NIT2: variants seen among roughly 807,000 people sequenced by gnomAD.
NIT2 encodes nitrilase family member 2.
NIT2 carries 46 observed loss-of-function variants against 42.7 expected under a neutral mutation model. The observed-to-expected ratio is 1.08, with a 90% confidence interval of 0.85 to 1.38. The LOEUF (loss-of-function observed/expected upper bound fraction) is 1.38. Among genes scored for constraint, NIT2 ranks in the 40% most tolerant of loss-of-function variants. The pLI is 0.00. For missense variants in NIT2, 309 were observed against 342.5 expected (o/e 0.90, Z 0.77); for synonymous variants, 123 against 121.9 (o/e 1.01, Z -0.06).
At chr3:100,340,395 GA>G (rs908180837) in intron 3 of NIT2, among the ~76,000 whole-genome samples, 1 of 151,842 alleles carries the variant, frequency 6.6e-6, no homozygotes, top group Non-Finnish European at 1.5e-5. Flanking sequence ...AGAGGATTGA[GA>G]AAAAAAATTT....
intron 4 of NIT2, among the ~76,000 whole-genome samples, chr3:100,343,372 G>A (rs1450841337): frequency 6.6e-6 from 1 of 151,864 alleles, no homozygotes; most frequent in East Asian, 1.9e-4. Flanking sequence ...ACCAGGCTCT[G>A]TTTTTCTGTT....
intron 8 of NIT2, among the ~76,000 whole-genome samples, chr3:100,353,932 C>T (rs917360823): frequency 3.3e-5 from 5 of 152,078 alleles, no homozygotes; most frequent in South Asian, 2.1e-4. Context: ...CACACCACCA[C>T]GCCCAGATAA....
intron 5 of NIT2, 110 bp downstream of exon 5, chr3:100,345,788 A>T: frequency 1.4e-6 from 1 of 713,852 alleles, no homozygotes; most frequent in Admixed American, 2.4e-5. Context: ...CTGAAAGACC[A>T]TAAGTGAGAA....
At chr3:100,339,230 T>G in intron 2 of NIT2, 25 bp downstream of exon 2, 1 of 1,408,536 alleles carries the variant, frequency 7.1e-7, no homozygotes, top group Non-Finnish European at 1.0e-6. Flanking sequence ...AGCCATTCTG[T>G]TCTAGCCACT....
In NIT2 at chr3:100,346,181, C is replaced by G; in HGVS notation, c.431C>G (p.Pro144Arg). 6.2e-7 allele frequency: 1 copy of G among 1,613,888 alleles called. No homozygotes were observed. Among genetic ancestry groups the G allele is most frequent in the Non-Finnish European group, 8.5e-7 (1 of 1,179,810 alleles). ...TTGTGCATTTTCTGTTTGGAAACAG[C>G]TTACTGCAGAGTGGGTCTGGGCATC... is the stretch of plus-strand genomic sequence containing the variant. ...PGDSFSTFDT[P>R]YCRVGLGICY... The change falls in exon 6 of 10, where the codon CCT becomes CGT. Residue 144 changes from proline (P) to arginine (R), a missense_variant and splice_region_variant. Physicochemically the swap from Pro to Arg is moderately radical, Grantham distance 103 (BLOSUM62 -2). Coordinates refer to ENST00000394140, the MANE Select transcript of NIT2 (RefSeq NM_020202.5).
Position 100,348,690 on chromosome 3 carries a change from T to C in NIT2, c.506-113T>C, listed in dbSNP as rs1559825063. The C allele has an allele frequency of 3.9e-6, 3 of 772,856 alleles. No individual in the cohort carries two copies. In the African/African-American group the frequency reaches 5.2e-5, roughly 13 times the overall value. 47.9% of individuals were successfully genotyped at this position (772,856 alleles called of 1,614,324 possible). On this transcript the variant is annotated intron_variant, in intron 6 of 9. Transcript: ENST00000394140. ...CACTGTCTGACTTGGCTGACATCTT[T>C]TTATGTTTGGGAAAGTTTGAGTTCA...
At chr3:100,337,466 T>G (rs1706091399) in intron 1 of NIT2, among the ~76,000 whole-genome samples, 1 of 152,080 alleles carries the variant, frequency 6.6e-6, no homozygotes, top group Admixed American at 6.5e-5. Context: ...TTTATTTATT[T>G]TTTTGGAGAC....
intron 4 of NIT2, among the ~76,000 whole-genome samples, chr3:100,342,871 C>T (rs561218330): frequency 1.3e-5 from 2 of 152,194 alleles, no homozygotes; most frequent in African/African-American, 4.8e-5. Flanking sequence ...CTGGTATATC[C>T]TTCAGACCAA....
chr3:100,336,110 T>C (rs2148879823), intron 1 of NIT2, among the ~76,000 whole-genome samples: 1 of 152,324 alleles, frequency 6.6e-6, no homozygotes, highest in African/African-American at 2.4e-5. Flanking sequence ...CTCACTATAT[T>C]TAGGATAGAT....
Position 100,355,391 on chromosome 3 carries a change from A to T in NIT2, c.*123A>T, listed in dbSNP as rs772663158. 193 of 672,306 alleles carry T rather than the reference A, an allele frequency of 2.9e-4. 1 individual carries two copies. Among genetic ancestry groups the T allele is most frequent in the Non-Finnish European group, 4.5e-4 (178 of 396,794 alleles). 41.6% of individuals were successfully genotyped at this position (672,306 alleles called of 1,614,324 possible). On this transcript the variant is annotated 3_prime_UTR_variant, in exon 10 of 10. Coordinates refer to ENST00000394140, the MANE Select transcript of NIT2 (RefSeq NM_020202.5). ...CGGCCTTGTCCTTCCTAGGTTCTCT[A>T]TTGAGATGAGAAAGCCTCATTATGC...
At chr3:100,335,954 CG>C (rs1199225582) in intron 1 of NIT2, among the ~76,000 whole-genome samples, 1 of 152,176 alleles carries the variant, frequency 6.6e-6, no homozygotes, top group African/African-American at 2.4e-5. Context: ...GGAGGGGAGA[CG>C]TTTAGTGGAT....
intron 4 of NIT2, 132 bp from the exon 5 acceptor site, chr3:100,345,453 A>G: frequency 1.6e-6 from 1 of 636,886 alleles, no homozygotes; most frequent in Non-Finnish European, 2.8e-6. Flanking sequence ...GGTGGATTAT[A>G]AGCAGTTTGG....
At position 100,355,266 on chromosome 3, in the gene NIT2, T is replaced by C. The variant is rs527678505; in HGVS notation, c.829T>C (p.Ter277GlnextTer5). ...DLYAVEMKKP[*>Q] ...CTATGCTGTGGAGATGAAAAAGCCC[T>C]AAAGTTTATGTTTCTAATGTGTCAC... Residue 277 changes from the stop codon to glutamine, a stop_lost, in exon 10 of 10, where the codon TAA becomes CAA. Transcript: ENST00000394140. The C allele has an allele frequency of 2.5e-6, 4 of 1,609,852 alleles. No individual in the cohort carries two copies. In the African/African-American group the frequency reaches 5.3e-5, roughly 21 times the overall value.
At chr3:100,337,927 C>T (rs923858915) in intron 1 of NIT2, among the ~76,000 whole-genome samples, 7 of 152,032 alleles carry the variant, frequency 4.6e-5, no homozygotes, top group African/African-American at 1.7e-4. Flanking sequence ...AAAAATTAGC[C>T]CGGCATGGTG....
In NIT2 at chr3:100,355,389, C is replaced by A; in HGVS notation, c.*121C>A. The A allele has an allele frequency of 1.5e-6, 1 of 680,662 alleles. No individual in the cohort carries two copies. The highest frequency in any genetic ancestry group is 3.0e-5 in the Admixed American group (1 of 33,172). 42.2% of individuals were successfully genotyped at this position (680,662 alleles called of 1,614,324 possible). On this transcript the variant is annotated 3_prime_UTR_variant, in exon 10 of 10. Transcript: ENST00000394140. ...TTCGGCCTTGTCCTTCCTAGGTTCT[C>A]TATTGAGATGAGAAAGCCTCATTAT...
Position 100,357,625 on chromosome 3 carries a change from CTTT to C in NIT2, c.*2360_*2362del, listed in dbSNP as rs1706335694. 1 of 146,624 alleles carries C rather than the reference CTTT, an allele frequency of 6.8e-6. No homozygotes were observed. Among genetic ancestry groups the C allele is most frequent in the African/African-American group, 2.5e-5 (1 of 39,808 alleles). The allele number at this position is 146,624 out of a possible 1,614,324, so 9.1% of individuals were successfully genotyped here. On this transcript the variant is annotated 3_prime_UTR_variant, in exon 10 of 10. Transcript: ENST00000394140. ...ACAGGTAAGGCAGGTGGATGCTAAACTTTTTACATTTCTTTTTTTTTTTTTTTT... is the reference window on the plus strand; with the variant it reads ...ACAGGTAAGGCAGGTGGATGCTAAACTTACATTTCTTTTTTTTTTTTTTTT...
chr3:100,356,708 C>T lies in NIT2; in HGVS notation c.*1440C>T, dbSNP rs1706328272. 1 of 152,150 alleles carries T rather than the reference C, an allele frequency of 6.6e-6. No individual in the cohort carries two copies. Among genetic ancestry groups the T allele is most frequent in the Non-Finnish European group, 1.5e-5 (1 of 68,022 alleles). 9.4% of individuals were successfully genotyped at this position (152,150 alleles called of 1,614,324 possible). ...GCAATTTGGTAAACTTTGACATATA[C>T]AGCTATAAACCACTCCAATCAAGAT... is the stretch of plus-strand genomic sequence containing the variant. On this transcript the variant is annotated 3_prime_UTR_variant, in exon 10 of 10. Transcript: ENST00000394140.
At chr3:100,347,090 TTTG>T (rs1706225635) in intron 6 of NIT2, among the ~76,000 whole-genome samples, 1 of 151,798 alleles carries the variant, frequency 6.6e-6, no homozygotes, top group South Asian at 2.1e-4. Flanking sequence ...TTTTTTTTTG[TTTG>T]TTTGTTTGTT....
At chr3:100,345,440 TG>T (rs1706205228) in intron 4 of NIT2, 144 bp from the exon 5 acceptor site, 1 of 613,232 alleles carries the variant, frequency 1.6e-6, no homozygotes, top group East Asian at 2.8e-5. Flanking sequence ...AGCCAGCTTG[TG>T]GGGTGGATTA....
Sources: gnomAD v4.1 joint callset for allele counts (sites outside exome capture counted in the v4.1 genomes callset) on GRCh38, gnomAD v4.1.1 for gene constraint, MANE v1.5 for transcripts, NCBI Gene and HGNC (gene_info 2026-07-23, HGNC 2026-07-21) for gene names.